TNFRSF11A: variants seen among roughly 807,000 people sequenced by gnomAD.
The protein encoded by TNFRSF11A is TNF receptor superfamily member 11a.
A neutral mutation model predicts 55.7 loss-of-function variants in TNFRSF11A; 32 were observed. The observed-to-expected ratio is 0.57, with a 90% CI of 0.43 to 0.77. The LOEUF (loss-of-function observed/expected upper bound fraction) is 0.77, where lower values mean the gene tolerates loss of function less well. Ranked by LOEUF, TNFRSF11A falls within the 30% of genes least tolerant of loss-of-function variation. The pLI, the probability that TNFRSF11A is intolerant of heterozygous loss-of-function variation, is 0.00. For synonymous variants in TNFRSF11A, 311 were observed against 331.0 expected (o/e 0.94, Z 0.65); for missense variants, 753 against 809.8 (o/e 0.93, Z 0.85).
At chr18:62,349,771 G>T in intron 2 of TNFRSF11A, 41 bp from the exon 3 acceptor site, 1 of 1,611,650 alleles carries the variant, frequency 6.2e-7, no homozygotes, top group Non-Finnish European at 8.5e-7. Flanking sequence ...GTTTTTGTTT[G>T]GTTTTTTGAT....
chr18:62,342,508 C>T lies in TNFRSF11A; in HGVS notation c.76-5660C>T, dbSNP rs570576832. Among the ~76,000 whole-genome samples the T allele has an allele frequency of 4.6e-5, 7 of 151,486 alleles. No individual in the cohort carries two copies. The East Asian group carries it at 7.7e-4, about 17-fold the overall frequency. On this transcript the variant is annotated intron_variant, in intron 1 of 9. Coordinates refer to ENST00000586569, the MANE Select transcript of TNFRSF11A (RefSeq NM_003839.4). ...TGCCCTATCTGGTGTCTGGGCCTCA[C>T]GTGATTCCTGCATCATTTCCACTCC...
In TNFRSF11A at chr18:62,368,770, G is replaced by C. The variant is rs775410414; in HGVS notation, c.853G>C (p.Val285Leu). The change falls in exon 9 of 10, where the codon GTC becomes CTC. Residue 285 changes from valine to leucine, a missense_variant. Around this residue, in one of 3 missense-constraint regions of TNFRSF11A, gnomAD observed 567 missense variants for 596.7 expected, o/e 0.95. Transcript: ENST00000586569. ...TGGTCAGCAGGGAGCATGTGAAGGTGTCTTACTGCTGACTCTGGAGGAGAA... is the reference window on the plus strand; with the variant it reads ...TGGTCAGCAGGGAGCATGTGAAGGTCTCTTACTGCTGACTCTGGAGGAGAA... ...NFGQQGACEG[V>L]LLLTLEEKTF... 6.2e-7 allele frequency: 1 copy of C among 1,614,120 alleles called. No individual in the cohort carries two copies. The highest frequency in any genetic ancestry group is 1.3e-5 in the African/African-American group (1 of 74,940).
intron 9 of TNFRSF11A, among the ~76,000 whole-genome samples, chr18:62,379,368 G>A (rs529168962): frequency 1.3e-5 from 2 of 152,302 alleles, no homozygotes; most frequent in South Asian, 2.1e-4. Flanking sequence ...CTGCTGAATG[G>A]CCATGTTTTC....
At chr18:62,343,276 T>A (rs1039900627) in intron 1 of TNFRSF11A, among the ~76,000 whole-genome samples, 2 of 152,248 alleles carry the variant, frequency 1.3e-5, no homozygotes, top group East Asian at 3.8e-4. Context: ...CTAGGTTACG[T>A]TCTTTTCGTC....
chr18:62,348,111 A>G (rs1274755362), intron 1 of TNFRSF11A, 57 bp from the exon 2 acceptor site: 4 of 1,199,510 alleles, frequency 3.3e-6, no homozygotes, highest in Non-Finnish European at 5.0e-6. Flanking sequence ...TGTTTTACCT[A>G]GTTTTATCCA....
chr18:62,350,126 A>G (rs1225093850), intron 3 of TNFRSF11A, among the ~76,000 whole-genome samples, 189 bp downstream of exon 3: 1 of 152,174 alleles, frequency 6.6e-6, no homozygotes, highest in Non-Finnish European at 1.5e-5. Flanking sequence ...CATTTAGAAC[A>G]TTTGTTCTGG....
At chr18:62,381,874 T>C (rs939395710) in intron 9 of TNFRSF11A, among the ~76,000 whole-genome samples, 2 of 152,174 alleles carry the variant, frequency 1.3e-5, no homozygotes, top group African/African-American at 2.4e-5. Context: ...ATTAACCAAG[T>C]AGTGATTTCT....
At chr18:62,378,362 G>A (rs1699121880) in intron 9 of TNFRSF11A, among the ~76,000 whole-genome samples, 1 of 152,228 alleles carries the variant, frequency 6.6e-6, no homozygotes, top group Admixed American at 6.5e-5. Flanking sequence ...ATAGATGAGT[G>A]TTGTAACCGA....
In TNFRSF11A at chr18:62,383,643, C is replaced by T. The variant is rs2046331301; in HGVS notation, c.1568-1108C>T. ...ATTTCTGTCTTTAAAATGGAAGAATCGTAAGAGCTAGCAGGTTGCCTAACA... is the reference window on the plus strand; with the variant it reads ...ATTTCTGTCTTTAAAATGGAAGAATTGTAAGAGCTAGCAGGTTGCCTAACA... On this transcript the variant is annotated intron_variant, in intron 9 of 9. Coordinates refer to ENST00000586569, the MANE Select transcript of TNFRSF11A (RefSeq NM_003839.4). The surrounding 1 kb of genome is among the most constrained non-coding windows in gnomAD (Gnocchi z 4.2). Among the ~76,000 whole-genome samples the T allele has an allele frequency of 6.6e-6, 1 of 151,912 alleles. No homozygotes were observed. The highest frequency in any genetic ancestry group is 1.5e-5 in the Non-Finnish European group (1 of 68,000).
At position 62,379,744 on chromosome 18, in the gene TNFRSF11A, C is replaced by T. The variant is rs1026106113; in HGVS notation, c.1568-5007C>T. Among the ~76,000 whole-genome samples, 28 of 152,156 alleles carry T rather than the reference C, an allele frequency of 1.8e-4. 1 individual carries two copies. The highest frequency in any genetic ancestry group is 6.5e-5 in the Admixed American group (1 of 15,280). Reference sequence around the variant, plus strand: ...AATCAGTAGACCCATTCGCAAAGGACAGGCCCGTTTTCCATCAGAAAGTTG... The same window carrying T: ...AATCAGTAGACCCATTCGCAAAGGATAGGCCCGTTTTCCATCAGAAAGTTG... On this transcript the variant is annotated intron_variant, in intron 9 of 9. Transcript: ENST00000586569.
At chr18:62,352,339 T>A (rs1386999314) in intron 3 of TNFRSF11A, among the ~76,000 whole-genome samples, 5 of 152,214 alleles carry the variant, frequency 3.3e-5, no homozygotes, top group African/African-American at 1.2e-4. Context: ...AGAAGTTTTT[T>A]CCCCAATGGA....
chr18:62,375,901 A>G (rs1321121814), intron 9 of TNFRSF11A, among the ~76,000 whole-genome samples: 4 of 152,192 alleles, frequency 2.6e-5, no homozygotes, highest in Non-Finnish European at 5.9e-5. Context: ...CGGGAGGCTG[A>G]GGTGGGATGA....
chr18:62,351,002 C>CTTTTTTTTTTTTTTTTTTTTTTTTTTTTT (rs71160826), intron 3 of TNFRSF11A, among the ~76,000 whole-genome samples: 1 of 122,678 alleles, frequency 8.2e-6, no homozygotes, highest in Non-Finnish European at 1.7e-5. Flanking sequence ...TTTTTTCTTT[C>CTTTTTTTTTTTTTTTTTTTTTTTTTTTTT]TTTTTTTTTT....
intron 3 of TNFRSF11A, among the ~76,000 whole-genome samples, chr18:62,352,005 A>G (rs2046481353): frequency 6.6e-6 from 1 of 152,190 alleles, no homozygotes. Flanking sequence ...CCGTGTGTCC[A>G]GGCTGGTCCT....
At chr18:62,366,834 T>A in intron 8 of TNFRSF11A, 74 bp downstream of exon 8, 1 of 1,437,344 alleles carries the variant, frequency 7.0e-7, no homozygotes, top group Non-Finnish European at 9.8e-7. Flanking sequence ...CCTAGTCACA[T>A]ATTGAGCACC....
chr18:62,366,007 G>A (rs1032121010), intron 7 of TNFRSF11A, among the ~76,000 whole-genome samples: 1 of 152,018 alleles, frequency 6.6e-6, no homozygotes, highest in African/African-American at 2.4e-5. Flanking sequence ...TAGTAGAGAT[G>A]TGGTTTCACC....
chr18:62,359,172 G>A (rs1347386050), intron 5 of TNFRSF11A, among the ~76,000 whole-genome samples: 1 of 152,056 alleles, frequency 6.6e-6, no homozygotes, highest in Non-Finnish European at 1.5e-5. Flanking sequence ...GTTTGCTTGA[G>A]CCCAGGAGTT....
chr18:62,328,504 G>A (rs1171515148), intron 1 of TNFRSF11A, among the ~76,000 whole-genome samples: 1 of 152,084 alleles, frequency 6.6e-6, no homozygotes, highest in Non-Finnish European at 1.5e-5. Flanking sequence ...CAAACAAATT[G>A]GGCATTGAAC....
chr18:62,345,968 A>C (rs901816806), intron 1 of TNFRSF11A, among the ~76,000 whole-genome samples: 1 of 152,218 alleles, frequency 6.6e-6, no homozygotes, highest in Non-Finnish European at 1.5e-5. Context: ...ACATGGAGTG[A>C]ATTGTCTACA....
Sources: allele counts gnomAD v4.1 joint callset (sites outside exome capture counted in the v4.1 genomes callset), GRCh38; gene constraint gnomAD v4.1.1; regional missense constraint gnomAD v4.1.1; non-coding constraint Gnocchi (gnomAD v3.1); transcripts MANE v1.5; gene names NCBI Gene and HGNC (gene_info 2026-07-23, HGNC 2026-07-21).